Variants in FARP2 observed in about 807,000 individuals in gnomAD.
FARP2 encodes FERM, ARHGEF and pleckstrin domain-containing protein 2.
In FARP2, 111 loss-of-function variants were observed where a neutral mutation model predicts 130.5. The observed-to-expected ratio is 0.85, with a 90% CI of 0.73 to 1.00. The LOEUF (loss-of-function observed/expected upper bound fraction) is 1.00, where lower values mean the gene tolerates loss of function less well. FARP2 is among the 50% of genes least tolerant of loss of function. The pLI is 0.00. For synonymous variants in FARP2, 504 were observed against 516.9 expected, an observed-to-expected ratio of 0.98 and a Z score of 0.34; for missense variants, 1,385 against 1,346.3, an observed-to-expected ratio of 1.03 and a Z score of -0.45.
intron 1 of FARP2, among the ~76,000 whole-genome samples, chr2:241,369,143 G>A (rs1007594678): frequency 6.6e-6 from 1 of 152,056 alleles, no homozygotes; most frequent in African/African-American, 2.4e-5. Flanking sequence ...GTGCAAACGT[G>A]TAAAGATTTC....
chr2:241,361,524 G>C (rs2061186025), intron 1 of FARP2, among the ~76,000 whole-genome samples: 1 of 152,170 alleles, frequency 6.6e-6, no homozygotes, highest in African/African-American at 2.4e-5. Flanking sequence ...GTTGCAGTGG[G>C]AAAAGGCAGT....
At chr2:241,398,274 G>A (rs1177704903) in intron 2 of FARP2, among the ~76,000 whole-genome samples, 1 of 152,092 alleles carries the variant, frequency 6.6e-6, no homozygotes, top group Non-Finnish European at 1.5e-5. Context: ...GGCTCCCTGT[G>A]CCTGTCTCAG....
intron 8 of FARP2, 64 bp downstream of exon 8, chr2:241,418,173 G>A (rs2062725327): frequency 6.4e-7 from 1 of 1,574,330 alleles, no homozygotes; most frequent in Admixed American, 1.7e-5. Context: ...ACCTGGTGGG[G>A]TTTGTTCTTA....
chr2:241,370,293 TAGAC>T (rs1373145850), intron 1 of FARP2, among the ~76,000 whole-genome samples: 6 of 152,324 alleles, frequency 3.9e-5, no homozygotes, highest in South Asian at 2.1e-4. Flanking sequence ...AAACTTGAGT[TAGAC>T]AGCAGTTTAG....
Position 241,459,768 on chromosome 2 carries a change from G to A in FARP2, c.1588-2755G>A, listed in dbSNP as rs1432575989. ...AGGTGGGGGCAGCGTGGCAGCTGCT[G>A]TATTTTCTGTCCCTGAGAGTCTTCT... On this transcript the variant is annotated intron_variant, in intron 14 of 26. Coordinates refer to ENST00000264042, the MANE Select transcript of FARP2 (RefSeq NM_014808.4). The surrounding 1 kb of genome is among the most constrained non-coding windows in gnomAD (Gnocchi z 5.3). 1.6e-5 allele frequency among the ~76,000 whole-genome samples: 2 copies of A among 125,132 alleles called. No homozygotes were observed. Among genetic ancestry groups the A allele is most frequent in the African/African-American group, 6.0e-5 (2 of 33,516 alleles). 82.1% of individuals were successfully genotyped at this position (125,132 alleles called of 152,430 possible).
chr2:241,489,964 G>A lies in FARP2; in HGVS notation c.2424G>A (p.Val808=), dbSNP rs774216383. The change falls in exon 22 of 27, where the codon GTG becomes GTA. Residue 808 remains valine (V), a splice_region_variant and synonymous_variant. Transcript: ENST00000264042. ...TGGACCGTTTCTCCCACCCACAGGT[G>A]GAAGAAAGTGATAACGAGTGGTCTG... ...RGLLPLQGML[V]EESDNEWSVP... is the part of the protein sequence containing the mutation. 8.7e-6 allele frequency: 14 copies of A among 1,611,114 alleles called. No homozygotes were observed. In the South Asian group the frequency reaches 1.4e-4, roughly 16 times the overall value.
intron 4 of FARP2, among the ~76,000 whole-genome samples, chr2:241,406,096 G>A (rs2062333576): frequency 6.6e-6 from 1 of 152,100 alleles, no homozygotes; most frequent in Admixed American, 6.5e-5. Flanking sequence ...AAGGTCAGGA[G>A]ATCGAGACCA....
intron 1 of FARP2, among the ~76,000 whole-genome samples, chr2:241,361,041 A>AAC (rs1553704663): frequency 5.3e-5 from 8 of 152,118 alleles, no homozygotes; most frequent in Admixed American, 4.6e-4. Flanking sequence ...AAAAAAAAAA[A>AAC]ACACACATCT....
intron 8 of FARP2, among the ~76,000 whole-genome samples, chr2:241,429,161 A>G (rs937273474): frequency 1.3e-5 from 2 of 152,234 alleles, no homozygotes; most frequent in South Asian, 2.1e-4. Flanking sequence ...TTTTGAAACC[A>G]TTTCAAGCTT....
intron 16 of FARP2, 99 bp downstream of exon 16, chr2:241,463,567 A>G (rs995165956): frequency 2.2e-6 from 3 of 1,385,804 alleles, no homozygotes; most frequent in African/African-American, 2.9e-5. Context: ...CAGAAGAGCC[A>G]TTTTTTCACT....
At chr2:241,398,053 G>A (rs2062074895) in intron 2 of FARP2, among the ~76,000 whole-genome samples, 2 of 151,742 alleles carry the variant, frequency 1.3e-5, no homozygotes, top group African/African-American at 4.8e-5. Flanking sequence ...GGATGGTCTC[G>A]ATCTCCTGAC....
chr2:241,488,164 G>A (rs1438098787), intron 21 of FARP2: 1 of 144,228 alleles, frequency 6.9e-6, no homozygotes, highest in Non-Finnish European at 1.6e-5. Flanking sequence ...CAAACTGGAA[G>A]TGAAAAACAG....
At chr2:241,406,079 A>G (rs181949503) in intron 4 of FARP2, among the ~76,000 whole-genome samples, 230 of 152,214 alleles carry the variant, frequency 1.5e-3, no homozygotes, top group Non-Finnish European at 2.4e-3. Context: ...CAAGGTGGGC[A>G]GATCACAAGG....
intron 24 of FARP2, chr2:241,492,695 G>A (rs2124922658): frequency 2.0e-6 from 1 of 488,552 alleles, no homozygotes; most frequent in South Asian, 2.9e-5. Context: ...TGACTTTATT[G>A]TGCACAGGGA....
rs145411871 is a variant in FARP2, at chr2:241,413,419, C to T, written c.621C>T (p.His207=). The T allele has an allele frequency of 1.2e-5, 19 of 1,593,800 alleles. No individual in the cohort carries two copies. The highest frequency in any genetic ancestry group is 2.7e-5 in the African/African-American group (2 of 74,680). ...LEKILEFHQK[H]VGQTPAESDF... is the part of the protein sequence containing the mutation. Reference sequence around the variant, plus strand: ...AGATACTAGAATTCCATCAGAAGCACGTGTAAGTCATCACAATTGTCTGTC... The same window carrying T: ...AGATACTAGAATTCCATCAGAAGCATGTGTAAGTCATCACAATTGTCTGTC... The change falls in exon 7 of 27, where the codon CAC becomes CAT. Residue 207 remains histidine, a splice_region_variant and synonymous_variant. Transcript: ENST00000264042.
At chr2:241,438,921 G>C (rs994011093) in intron 12 of FARP2, among the ~76,000 whole-genome samples, 1 of 151,426 alleles carries the variant, frequency 6.6e-6, no homozygotes, top group Non-Finnish European at 1.5e-5. Flanking sequence ...GAGCCACCGC[G>C]CCCGGCCAAC....
At chr2:241,407,432 T>C in intron 4 of FARP2, 105 bp from the exon 5 acceptor site, 1 of 848,472 alleles carries the variant, frequency 1.2e-6, no homozygotes, top group Non-Finnish European at 2.0e-6. Context: ...AGATTTGCTG[T>C]AACAGTCCAC....
chr2:241,447,630 G>A (rs1246845411), intron 13 of FARP2, among the ~76,000 whole-genome samples: 4 of 152,182 alleles, frequency 2.6e-5, no homozygotes, highest in Non-Finnish European at 4.4e-5. Context: ...AGGGGAGGAC[G>A]TGAACAAGAG....
chr2:241,442,138 T>C (rs1438167207), intron 13 of FARP2: 12 of 427,472 alleles, frequency 2.8e-5, no homozygotes, highest in Admixed American at 2.4e-5. Context: ...TGAGACCAGC[T>C]CACTGAGAAA....
Sources: gnomAD v4.1 joint callset for allele counts (sites outside exome capture counted in the v4.1 genomes callset) on GRCh38, gnomAD v4.1.1 for gene constraint, Gnocchi (gnomAD v3.1) non-coding constraint, MANE v1.5 for transcripts, NCBI Gene and HGNC (gene_info 2026-07-23, HGNC 2026-07-21) for gene names.